DGKB: variants seen among roughly 807,000 people sequenced by gnomAD.
DGKB encodes the protein 90 kDa diacylglycerol kinase.
A neutral mutation model predicts 114.3 loss-of-function variants in DGKB; 67 were observed. The ratio of observed to expected loss-of-function variants is 0.59; its 90% CI spans 0.48 to 0.72. The LOEUF (loss-of-function observed/expected upper bound fraction) is 0.72. Ranked by LOEUF, DGKB falls within the 30% of genes least tolerant of loss-of-function variation. DGKB has a pLI of 0.00. For synonymous variants in DGKB, 398 were observed against 323.1 expected (o/e 1.23, Z -2.49); for missense variants, 907 against 975.2 (o/e 0.93, Z 0.93).
chr7:14,402,800 A>G (rs1823343307), intron 21 of DGKB, among the ~76,000 whole-genome samples: 5 of 151,912 alleles, frequency 3.3e-5, no homozygotes, highest in African/African-American at 7.2e-5. Context: ...AATAAAGCAG[A>G]TAATCCTCCC....
chr7:14,407,183 C>T (rs766602683), intron 21 of DGKB, among the ~76,000 whole-genome samples: 1 of 152,056 alleles, frequency 6.6e-6, no homozygotes, highest in Non-Finnish European at 1.5e-5. Flanking sequence ...AGTGATAGTT[C>T]TAGTTCAACG....
At chr7:14,628,732 A>G (rs1199294297) in intron 14 of DGKB, among the ~76,000 whole-genome samples, 1 of 152,138 alleles carries the variant, frequency 6.6e-6, no homozygotes, top group Non-Finnish European at 1.5e-5. Flanking sequence ...GTGTGTATAT[A>G]TGTGTATTCA....
chr7:14,155,320 G>T (rs1318233791), intron 25 of DGKB, among the ~76,000 whole-genome samples: 2 of 152,076 alleles, frequency 1.3e-5, no homozygotes, highest in African/African-American at 4.8e-5. Context: ...ATTGCAAGTT[G>T]AATAGATACA....
At chr7:14,912,147 C>T (rs957518747) in intron 1 of DGKB, among the ~76,000 whole-genome samples, 6 of 152,086 alleles carry the variant, frequency 3.9e-5, no homozygotes, top group Non-Finnish European at 8.8e-5. Flanking sequence ...ATTAGATGAA[C>T]CGGAATCTCT....
intron 13 of DGKB, among the ~76,000 whole-genome samples, chr7:14,636,227 G>A (rs1257056421): frequency 1.3e-5 from 2 of 151,632 alleles, no homozygotes; most frequent in East Asian, 3.9e-4. Context: ...AATTAATTGG[G>A]TCCAACGAAC....
At chr7:14,517,685 C>T (rs751958821) in intron 20 of DGKB, among the ~76,000 whole-genome samples, 73 of 151,862 alleles carry the variant, frequency 4.8e-4, no homozygotes, top group Admixed American at 3.9e-4. Context: ...AAGACATACA[C>T]ACAGCCAACA....
intron 21 of DGKB, among the ~76,000 whole-genome samples, chr7:14,447,212 C>A (rs576866391): frequency 6.6e-6 from 1 of 150,768 alleles, no homozygotes; most frequent in East Asian, 2.0e-4. Context: ...CTTGTTTTTG[C>A]CACATGAAAG....
intron 1 of DGKB, among the ~76,000 whole-genome samples, chr7:14,891,957 G>T (rs968130892): frequency 6.6e-6 from 1 of 151,310 alleles, no homozygotes; most frequent in African/African-American, 2.4e-5. Flanking sequence ...TACCCCAATT[G>T]AAAATGCAAA....
chr7:14,362,995 C>A (rs1816021293), intron 21 of DGKB, among the ~76,000 whole-genome samples: 1 of 152,068 alleles, frequency 6.6e-6, no homozygotes, highest in African/African-American at 2.4e-5. Flanking sequence ...TCCTAGGCTT[C>A]ATGGGGTTCA....
chr7:14,344,964 A>AT (rs1469703869), intron 22 of DGKB, among the ~76,000 whole-genome samples: 2 of 151,642 alleles, frequency 1.3e-5, no homozygotes, highest in Non-Finnish European at 3.0e-5. Context: ...CGAAAATAAT[A>AT]TTTTTTATGT....
chr7:14,834,420 G>T (rs1433589913), intron 2 of DGKB, among the ~76,000 whole-genome samples: 2 of 152,158 alleles, frequency 1.3e-5, no homozygotes, highest in Non-Finnish European at 2.9e-5. Flanking sequence ...GCAGATGGAA[G>T]AAATGCTACT....
chr7:14,388,156 C>T (rs1271278061), intron 21 of DGKB, among the ~76,000 whole-genome samples: 2 of 149,688 alleles, frequency 1.3e-5, no homozygotes, highest in Admixed American at 6.7e-5. Flanking sequence ...GGATTACAGA[C>T]GTGAGATGTC....
At chr7:14,691,829 A>T (rs1335623610) in intron 9 of DGKB, among the ~76,000 whole-genome samples, 4 of 151,864 alleles carry the variant, frequency 2.6e-5, no homozygotes, top group Non-Finnish European at 5.9e-5. Context: ...AGCGGCCGTC[A>T]CTGGTAACAC....
At chr7:14,634,758 T>C (rs1585230905) in intron 13 of DGKB, among the ~76,000 whole-genome samples, 1 of 151,672 alleles carries the variant, frequency 6.6e-6, no homozygotes, top group Non-Finnish European at 1.5e-5. Flanking sequence ...GTATTATCTC[T>C]AGGATATAAA....
chr7:14,780,611 T>G (rs567875674), intron 2 of DGKB, among the ~76,000 whole-genome samples: 3 of 148,374 alleles, frequency 2.0e-5, no homozygotes, highest in African/African-American at 7.8e-5. Flanking sequence ...GCATAGCATT[T>G]TGAGCATGAT....
At chr7:14,241,918 A>G (rs1291398484) in intron 23 of DGKB, among the ~76,000 whole-genome samples, 1 of 94,080 alleles carries the variant, frequency 1.1e-5, no homozygotes, top group Non-Finnish European at 2.1e-5. Flanking sequence ...ATCAAGATAT[A>G]TACACACACA....
At chr7:14,451,686 AG>A (rs1233813866) in intron 21 of DGKB, among the ~76,000 whole-genome samples, 1 of 152,078 alleles carries the variant, frequency 6.6e-6, no homozygotes, top group Admixed American at 6.6e-5. Flanking sequence ...GAAAGAGGAA[AG>A]TAAAGTCAAA....
At chr7:14,727,540 G>A (rs1830200950) in intron 5 of DGKB, among the ~76,000 whole-genome samples, 2 of 152,104 alleles carry the variant, frequency 1.3e-5, no homozygotes, top group African/African-American at 4.8e-5. Flanking sequence ...CCAGTAGACA[G>A]AATTTATTTC....
At position 14,718,424 on chromosome 7, in the gene DGKB, G is replaced by T. The variant is rs959663386; in HGVS notation, c.466+118C>A. 1.5e-5 allele frequency: 12 copies of T among 799,908 alleles called. No homozygotes were observed. In the Admixed American group the frequency reaches 3.8e-4, roughly 25 times the overall value. The allele number at this position is 799,908 out of a possible 1,614,324, so 49.6% of individuals were successfully genotyped here. On this transcript the variant is annotated intron_variant, in intron 6 of 25. Transcript: ENST00000402815. ...GGAGGAAATTTTTACTATTAAGCAG[G>T]ATCACTTTATTCAACAAAAATTATA...
Sources: allele counts gnomAD v4.1 joint callset (sites outside exome capture counted in the v4.1 genomes callset), GRCh38; gene constraint gnomAD v4.1.1; transcripts MANE v1.5; gene names NCBI Gene and HGNC (gene_info 2026-07-23, HGNC 2026-07-21).